Variants in PRR5 observed in about 807,000 individuals in gnomAD.
The protein encoded by PRR5 is proline rich 5.
A neutral mutation model predicts 30.6 loss-of-function variants in PRR5; 25 were observed. The ratio of observed to expected loss-of-function variants is 0.82; its 90% CI spans 0.60 to 1.14. The LOEUF is 1.14. Among genes scored for constraint, PRR5 ranks in the 50% most tolerant of loss-of-function variants. The probability of loss-of-function intolerance (pLI) is 0.00; values close to 1 mark genes in which losing one functional copy is unlikely to be tolerated. For missense variants in PRR5, 600 were observed against 547.1 expected, an observed-to-expected ratio of 1.10 and a Z score of -0.96; for synonymous variants, 286 against 247.1, an observed-to-expected ratio of 1.16 and a Z score of -1.48.
At chr22:44,698,261 C>A (rs575033047), upstream of PRR5, among the ~76,000 whole-genome samples, 2 of 151,970 alleles carry the variant, frequency 1.3e-5, no homozygotes, top group Non-Finnish European at 2.9e-5. Context: ...TCGGGCCTGG[C>A]ACCTTCCTGG....
At chr22:44,689,612 A>G (rs1319985523) in intron 1 of PRR5, among the ~76,000 whole-genome samples, 2 of 152,192 alleles carry the variant, frequency 1.3e-5, no homozygotes, top group Admixed American at 6.5e-5. Context: ...CAGAAGGGCC[A>G]TGGAAAAGTG....
At chr22:44,692,496 T>C (rs1236344094) in intron 1 of PRR5, among the ~76,000 whole-genome samples, 4 of 121,424 alleles carry the variant, frequency 3.3e-5, no homozygotes, top group Non-Finnish European at 5.1e-5. Context: ...CTCCCAGGGC[T>C]CCTCCACCTG....
At chr22:44,669,435 G>A (rs1428785830) in intron 1 of PRR5, among the ~76,000 whole-genome samples, 1 of 152,180 alleles carries the variant, frequency 6.6e-6, no homozygotes, top group African/African-American at 2.4e-5. Context: ...CAGACCCCGG[G>A]ACAGAGACTC....
intron 6 of PRR5, among the ~76,000 whole-genome samples, chr22:44,732,951 A>C (rs1026152587): frequency 6.7e-6 from 1 of 149,728 alleles, no homozygotes. Context: ...ACGTGTGCAC[A>C]CATACGCGTG....
At chr22:44,725,412 C>A in intron 3 of PRR5, 120 bp downstream of exon 3, 1 of 1,388,360 alleles carries the variant, frequency 7.2e-7, no homozygotes, top group Non-Finnish European at 9.9e-7. Flanking sequence ...CCTGCAGTTC[C>A]AAGGACCTGC....
intron 2 of PRR5, among the ~76,000 whole-genome samples, chr22:44,715,000 G>A (rs1262892203): frequency 6.6e-6 from 1 of 152,222 alleles, no homozygotes; most frequent in Non-Finnish European, 1.5e-5. Flanking sequence ...GCCCCCACTG[G>A]TGCTGAGCAT....
chr22:44,731,942 T>C (rs1307230944), intron 5 of PRR5, 121 bp downstream of exon 5: 1 of 1,092,266 alleles, frequency 9.2e-7, no homozygotes, highest in Non-Finnish European at 1.3e-6. Flanking sequence ...TCTGTGCTGC[T>C]CTCCTTGGGC....
intron 2 of PRR5, 115 bp downstream of exon 2, chr22:44,714,786 C>T: frequency 7.4e-7 from 1 of 1,355,818 alleles, no homozygotes; most frequent in Non-Finnish European, 1.0e-6. Context: ...GCTTCCTCCC[C>T]TAGAGGCCAT....
intron 2 of PRR5, 100 bp from the exon 3 acceptor site, chr22:44,725,144 T>C: frequency 1.3e-6 from 2 of 1,550,624 alleles, no homozygotes; most frequent in Non-Finnish European, 1.8e-6. Context: ...CTGAGCATGC[T>C]GATCTCCCCC....
intron 2 of PRR5, among the ~76,000 whole-genome samples, chr22:44,723,430 A>C (rs1037126522): frequency 1.3e-5 from 2 of 152,148 alleles, no homozygotes; most frequent in African/African-American, 4.8e-5. Context: ...TATAATTTAA[A>C]ACATTGGGGC....
rs374391175 is a variant in PRR5, at chr22:44,691,418, G to T, written c.-10-11074G>T. Among the ~76,000 whole-genome samples the T allele has an allele frequency of 1.7e-4, 26 of 152,264 alleles. No individual in the cohort carries two copies. The highest frequency in any genetic ancestry group is 1.4e-3 in the East Asian group (7 of 5,168). ...CTGGGCACAGCATGTACTCAGCGGT[G>T]GGGACCCTGCCCTAGACTCAGTGCC... On this transcript the variant is annotated intron_variant, in intron 1 of 8. Coordinates refer to the PRR5 transcript ENST00000006251. The surrounding 1 kb of genome is among the most constrained non-coding windows in gnomAD (Gnocchi z 4.4).
At chr22:44,684,760 G>A (rs1258500003) in intron 1 of PRR5, among the ~76,000 whole-genome samples, 2 of 152,380 alleles carry the variant, frequency 1.3e-5, no homozygotes, top group South Asian at 2.1e-4. Context: ...TGATGTCAGC[G>A]TCCACAGTAG....
intron 1 of PRR5, among the ~76,000 whole-genome samples, chr22:44,711,173 C>T (rs1191524205): frequency 6.6e-6 from 1 of 152,168 alleles, no homozygotes; most frequent in Non-Finnish European, 1.5e-5. Flanking sequence ...CTGGCAGGTG[C>T]TTGCTGGGCT....
chr22:44,685,916 C>A (rs1259944640), intron 1 of PRR5, among the ~76,000 whole-genome samples: 1 of 152,226 alleles, frequency 6.6e-6, no homozygotes, highest in Non-Finnish European at 1.5e-5. Flanking sequence ...GTGGTACCAT[C>A]CTTTCTCCCT....
At position 44,732,932 on chromosome 22, in the gene PRR5, ATAC is replaced by A. The variant is rs570611586; in HGVS notation, c.555+545_555+547del. ...ACACACTACACACGTGCGCACGCAC[ATAC>A]TACACACGTGTGCACACATACGCGT... is the stretch of plus-strand genomic sequence containing the variant. On this transcript the variant is annotated intron_variant, in intron 6 of 7. Coordinates refer to ENST00000336985, the MANE Select transcript of PRR5 (RefSeq NM_181333.4). Among the ~76,000 whole-genome samples the A allele has an allele frequency of 3.6e-4, 47 of 132,318 alleles. No homozygotes were observed. In the East Asian group the frequency reaches 5.3e-3, roughly 15 times the overall value. The allele number at this position is 132,318 out of a possible 152,430, so 86.8% of individuals were successfully genotyped here. A position where few individuals can be genotyped will look rare whatever the true frequency, so the allele number is the denominator to read the frequency against.
At chr22:44,726,714 G>A in intron 4 of PRR5, 80 bp downstream of exon 4, 1 of 1,602,344 alleles carries the variant, frequency 6.2e-7, no homozygotes, top group Non-Finnish European at 8.5e-7. Context: ...CTCGTGCTGG[G>A]GGCCTCTGGG....
chr22:44,680,289 G>A (rs1177172752), intron 1 of PRR5, among the ~76,000 whole-genome samples: 1 of 152,044 alleles, frequency 6.6e-6, no homozygotes, highest in Non-Finnish European at 1.5e-5. Flanking sequence ...GGGCAGAAGA[G>A]CACCTGCCCC....
chr22:44,732,888 CACACACGTGCACACGCATACACACT>C (rs1234180365), intron 6 of PRR5, among the ~76,000 whole-genome samples: 5 of 138,124 alleles, frequency 3.6e-5, no homozygotes, highest in African/African-American at 1.7e-4. Flanking sequence ...ACACACACAC[CACACACGTGCACACGCATACACACT>C]ACACACGTGC....
intron 2 of PRR5, among the ~76,000 whole-genome samples, chr22:44,717,613 C>A (rs941618322): frequency 2.0e-5 from 3 of 152,162 alleles, no homozygotes; most frequent in African/African-American, 7.2e-5. Flanking sequence ...TCTGGACATT[C>A]CATATCAATG....
Sources: gnomAD v4.1 joint callset for allele counts (sites outside exome capture counted in the v4.1 genomes callset) on GRCh38, gnomAD v4.1.1 for gene constraint, Gnocchi (gnomAD v3.1) non-coding constraint, MANE v1.5 for transcripts, NCBI Gene and HGNC (gene_info 2026-07-23, HGNC 2026-07-21) for gene names.